Variants in CPOX observed in about 807,000 individuals in gnomAD.
CPOX encodes oxygen-dependent coproporphyrinogen-III oxidase, mitochondrial.
CPOX carries 24 observed loss-of-function variants against 48.9 expected under a neutral mutation model. The ratio of observed to expected loss-of-function variants is 0.49; its 90% CI spans 0.36 to 0.69. CPOX has a LOEUF of 0.69. CPOX is among the 30% of genes least tolerant of loss of function. The pLI, the probability that CPOX is intolerant of heterozygous loss-of-function variation, is 0.00. For synonymous variants in CPOX, 249 were observed against 234.6 expected (o/e 1.06, Z -0.56); for missense variants, 549 against 597.3 (o/e 0.92, Z 0.84).
chr3:98,580,547 C>A lies in CPOX; in HGVS notation c.*136G>T. 6.6e-7 allele frequency: 1 copy of A among 1,516,734 alleles called. No individual in the cohort carries two copies. Among genetic ancestry groups the A allele is most frequent in the South Asian group, 1.2e-5 (1 of 81,828 alleles). 94.0% of individuals were successfully genotyped at this position (1,516,734 alleles called of 1,614,324 possible). A position where few individuals can be genotyped will look rare whatever the true frequency, so the allele number is the denominator to read the frequency against. On this transcript the variant is annotated 3_prime_UTR_variant, in exon 7 of 7. Transcript: ENST00000647941. ...GACAGCATCCAAAACATGTTATCATCTGCCCACGAGGTAGGGTGCAGAGTG... is the reference window on the plus strand; with the variant it reads ...GACAGCATCCAAAACATGTTATCATATGCCCACGAGGTAGGGTGCAGAGTG...
Position 98,580,350 on chromosome 3 carries a change from A to G in CPOX, c.*333T>C. On this transcript the variant is annotated 3_prime_UTR_variant, in exon 7 of 7. Transcript: ENST00000647941. ...AAAACTTTAAAAAATACATGAAACA[A>G]AAACAAGATGAGAGATTTCCTGATA... is the stretch of plus-strand genomic sequence containing the variant. The G allele has an allele frequency of 9.9e-7, 1 of 1,010,592 alleles. No homozygotes were observed. The highest frequency in any genetic ancestry group is 9.3e-5 in the East Asian group (1 of 10,730). The allele number at this position is 1,010,592 out of a possible 1,614,324, so 62.6% of individuals were successfully genotyped here.
intron 4 of CPOX, among the ~76,000 whole-genome samples, chr3:98,587,053 A>G (rs186636839): frequency 2.2e-4 from 34 of 152,362 alleles, no homozygotes; most frequent in Admixed American, 2.1e-3. Context: ...TAATCTCTGC[A>G]TAAGGGTCCT....
the CPOX span, among the ~76,000 whole-genome samples, chr3:98,571,030 C>T: frequency 6.6e-6 from 1 of 152,150 alleles, no homozygotes; most frequent in African/African-American, 2.4e-5. Context: ...TTTCCCAGTT[C>T]TATAATTTAT....
rs763662517 is a variant in CPOX at position 98,585,600 on chromosome 3, A to T, written c.1013T>A (p.Phe338Tyr). The change falls in exon 5 of 7, where the codon TTT becomes TAT. Residue 338 changes from phenylalanine (F) to tyrosine (Y), a missense_variant. Physicochemically the swap from Phe to Tyr is conservative, Grantham distance 22. This residue lies in a region of CPOX where 213 missense variants were observed against 279.1 expected (regional missense o/e 0.76). Transcript: ENST00000647941. ...RGERRGIGGI[F>Y]FDDLDSPSKE... Reference sequence around the variant, plus strand: ...GGACGGAGAGTCAAGATCATCAAAAAAGATACCACCAATGCCCCGCCGTTC... The same window carrying T: ...GGACGGAGAGTCAAGATCATCAAAATAGATACCACCAATGCCCCGCCGTTC... The T allele has an allele frequency of 1.2e-6, 2 of 1,614,166 alleles. No homozygotes were observed. The highest frequency in any genetic ancestry group is 3.3e-5 in the Admixed American group (2 of 60,022).
At chr3:98,574,136 T>C in the CPOX span, among the ~76,000 whole-genome samples, 49 of 152,362 alleles carry the variant, frequency 3.2e-4, 1 homozygote, top group East Asian at 8.1e-3. Flanking sequence ...TACAGGTAGC[T>C]TGCAAGCATT....
the CPOX span, among the ~76,000 whole-genome samples, chr3:98,572,788 C>T: frequency 3.3e-5 from 5 of 152,124 alleles, no homozygotes; most frequent in African/African-American, 9.7e-5. Flanking sequence ...TATATTCTTT[C>T]TTTGGTTTAT....
the CPOX span, among the ~76,000 whole-genome samples, chr3:98,571,454 C>G: frequency 6.6e-6 from 1 of 151,646 alleles, no homozygotes; most frequent in East Asian, 1.9e-4. Context: ...TTTGGGAGGC[C>G]GAGGCGGGCG....
At chr3:98,572,243 T>C in the CPOX span, among the ~76,000 whole-genome samples, 5 of 152,230 alleles carry the variant, frequency 3.3e-5, no homozygotes, top group Admixed American at 2.0e-4. Flanking sequence ...TTGATATTTA[T>C]AGCGTTTTAC....
Position 98,581,432 on chromosome 3 carries a change from A to T in CPOX, c.1252T>A (p.Leu418Met). ...FTPGSRIESILMSLPLTARWE... is the reference protein window; with the variant it reads ...FTPGSRIESIMMSLPLTARWE... Reference sequence around the variant, plus strand: ...CGGGCAGTTAGAGGTAAAGACATCAAGATACTTTCAATTCTGGATCCTGGA... The same window carrying T: ...CGGGCAGTTAGAGGTAAAGACATCATGATACTTTCAATTCTGGATCCTGGA... Residue 418 changes from leucine to methionine, a missense_variant, in exon 6 of 7, where the codon TTG (leucine) becomes ATG (methionine). This residue lies in a region of CPOX where 213 missense variants were observed against 279.1 expected (regional missense o/e 0.76). Transcript: ENST00000647941. The T allele has an allele frequency of 1.9e-6, 3 of 1,613,932 alleles. No homozygotes were observed. In the South Asian group the frequency reaches 3.3e-5, roughly 18 times the overall value.
chr3:98,589,002 C>A, intron 3 of CPOX, 148 bp from the exon 4 acceptor site: 1 of 911,606 alleles, frequency 1.1e-6, no homozygotes, highest in South Asian at 1.5e-5. Flanking sequence ...GCTCTGAAGA[C>A]CAGTAAGGCC....
chr3:98,580,857 T>A (rs1260186911), intron 6 of CPOX, 87 bp from the exon 7 acceptor site: 10 of 1,350,480 alleles, frequency 7.4e-6, no homozygotes, highest in Non-Finnish European at 8.0e-6. Context: ...AATAAAATCC[T>A]AAGAATAAAA....
At chr3:98,579,415 T>C (rs1707209389), downstream of CPOX, 3 of 679,638 alleles carry the variant, frequency 4.4e-6, no homozygotes, top group African/African-American at 3.9e-5. Context: ...TTTTCCTATA[T>C]TATCCTGGCA....
In CPOX at chr3:98,593,009, C is replaced by G; in HGVS notation, c.496G>C (p.Ala166Pro). 6.2e-7 allele frequency: 1 copy of G among 1,613,934 alleles called. No individual in the cohort carries two copies. The highest frequency in any genetic ancestry group is 8.5e-7 in the Non-Finnish European group (1 of 1,179,946). Residue 166 changes from alanine to proline, a missense_variant, in exon 1 of 7, where the codon GCT becomes CCT. Ala to Pro is a conservative substitution (Grantham distance 27). This residue lies in a region of CPOX where 336 missense variants were observed against 318.1 expected (regional missense o/e 1.06). Transcript: ENST00000647941. ...GCGCCCCCGTCTACCTGTGCCAGAG[C>G]CTGGCACACCTGGGCCTGGGTCTCC... ...ILETQAQVCQALAQVDGGANF... is the reference protein window; with the variant it reads ...ILETQAQVCQPLAQVDGGANF...
chr3:98,585,604 TAC>T lies in CPOX; in HGVS notation c.1007_1008del (p.Gly336AspfsTer4). 6.2e-7 allele frequency: 1 copy of T among 1,614,046 alleles called. No homozygotes were observed. The highest frequency in any genetic ancestry group is 8.5e-7 in the Non-Finnish European group (1 of 1,179,994). Reference protein sequence around the residue: ...AHRGERRGIGGIFFDDLDSPS... With the variant: ...AHRGERRGIGXIFFDDLDSPS... ...GGAGAGTCAAGATCATCAAAAAAGATACCACCAATGCCCCGCCGTTCTCCACG... is the reference window on the plus strand; with the variant it reads ...GGAGAGTCAAGATCATCAAAAAAGATCACCAATGCCCCGCCGTTCTCCACG... On this transcript the variant is annotated frameshift_variant, in exon 5 of 7. Coordinates refer to ENST00000647941, the MANE Select transcript of CPOX (RefSeq NM_000097.7). LOFTEE classifies it high-confidence loss of function.
At chr3:98,572,067 G>C in the CPOX span, among the ~76,000 whole-genome samples, 1 of 152,228 alleles carries the variant, frequency 6.6e-6, no homozygotes, top group Non-Finnish European at 1.5e-5. Context: ...ATATAAGTTA[G>C]AGACACTTTG....
intron 1 of CPOX, 94 bp from the exon 2 acceptor site, chr3:98,591,249 A>T: frequency 7.5e-6 from 10 of 1,341,902 alleles, no homozygotes. Context: ...CCCGTTTCCC[A>T]AATCTTTTAT....
intron 5 of CPOX, among the ~76,000 whole-genome samples, chr3:98,583,463 C>A (rs1183746102): frequency 6.6e-6 from 1 of 152,126 alleles, no homozygotes; most frequent in East Asian, 1.9e-4. Flanking sequence ...ATACATCTGT[C>A]CTCTCTGGGG....
At chr3:98,590,130 T>C (rs1037179052) in intron 3 of CPOX, among the ~76,000 whole-genome samples, 3 of 152,194 alleles carry the variant, frequency 2.0e-5, no homozygotes, top group African/African-American at 7.2e-5. Context: ...AGTCAGTCAA[T>C]ACCATTCTTT....
At chr3:98,584,734 T>C (rs1410129402) in intron 5 of CPOX, among the ~76,000 whole-genome samples, 1 of 152,164 alleles carries the variant, frequency 6.6e-6, no homozygotes, top group Non-Finnish European at 1.5e-5. Flanking sequence ...ACACCGTGGC[T>C]GGAGACAGCC....
Sources: gnomAD v4.1 joint callset for allele counts (sites outside exome capture counted in the v4.1 genomes callset) on GRCh38, gnomAD v4.1.1 for gene constraint, gnomAD v4.1.1 regional missense constraint, MANE v1.5 for transcripts, NCBI Gene and HGNC (gene_info 2026-07-23, HGNC 2026-07-21) for gene names.